HIGD2A: variants seen among roughly 807,000 people sequenced by gnomAD.
HIGD2A encodes HIG1 domain family member 2A, mitochondrial.
Under a neutral mutation model 6.3 loss-of-function variants are expected in HIGD2A, and 4 were observed. The ratio of observed to expected loss-of-function variants is 0.64; its 90% confidence interval spans 0.31 to 1.46. The LOEUF is 1.46. HIGD2A is among the 40% of genes most tolerant of loss of function. The pLI is 0.07. For missense variants in HIGD2A, 143 were observed against 144.8 expected (o/e 0.99, Z 0.06); for synonymous variants, 63 against 59.3 (o/e 1.06, Z -0.29).
Position 176,389,364 on chromosome 5 carries a change from G to A in HIGD2A, c.188G>A (p.Gly63Asp). Residue 63 changes from glycine (G) to aspartate (D), a missense_variant, in exon 2 of 2, where the codon GGC (glycine) becomes GAC (aspartate). Transcript: ENST00000274787. ...GCCACGGCGGCCGCCCTCACCTACG[G>A]CCTCTACTCCTTCCACCGGGGCAAC... ...CLATAAALTYGLYSFHRGNSQ... is the reference protein window; with the variant it reads ...CLATAAALTYDLYSFHRGNSQ... 6.2e-7 allele frequency: 1 copy of A among 1,614,046 alleles called. No individual in the cohort carries two copies. Among genetic ancestry groups the A allele is most frequent in the Non-Finnish European group, 8.5e-7 (1 of 1,179,994 alleles).
intron 1 of HIGD2A, 89 bp from the exon 2 acceptor site, chr5:176,389,242 A>T: frequency 6.9e-7 from 1 of 1,450,282 alleles, no homozygotes. Context: ...TGATCCAGAG[A>T]TCTTGGCTTT....
chr5:176,389,302 G>A (rs1195792412), intron 1 of HIGD2A, 29 bp from the exon 2 acceptor site: 2 of 1,599,190 alleles, frequency 1.3e-6, no homozygotes, highest in Non-Finnish European at 1.7e-6. Context: ...CCGACCTGCT[G>A]TTTCCCAGTT....
At position 176,389,570 on chromosome 5, in the gene HIGD2A, G is replaced by A. The variant is rs1207082078; in HGVS notation, c.*73G>A. On this transcript the variant is annotated 3_prime_UTR_variant, in exon 2 of 2. Coordinates refer to ENST00000274787, the MANE Select transcript of HIGD2A (RefSeq NM_138820.4). ...AGGGAGCAACCACTGGCCCTACCGT[G>A]GGACTTACTCCCTCCTCTCCTTTGA... is the stretch of plus-strand genomic sequence containing the variant. The A allele has an allele frequency of 6.7e-7, 1 of 1,482,936 alleles. No homozygotes were observed. The highest frequency in any genetic ancestry group is 2.3e-5 in the East Asian group (1 of 43,250). 91.9% of individuals were successfully genotyped at this position (1,482,936 alleles called of 1,614,324 possible). A position where few individuals can be genotyped will look rare whatever the true frequency, so the allele number is the denominator to read the frequency against.
rs750360319 is a variant in HIGD2A, at chr5:176,388,818, A to C, written c.-2A>C. The C allele has an allele frequency of 1.9e-6, 3 of 1,613,558 alleles. No homozygotes were observed. Among genetic ancestry groups the C allele is most frequent in the South Asian group, 1.1e-5 (1 of 91,042 alleles). ...ATTTTCTCCTGCTGCTGTGGCCCGG[A>C]CATGGCGACTCCCGGCCCTGTGATT... On this transcript the variant is annotated 5_prime_UTR_variant, in exon 1 of 2. Transcript: ENST00000274787.
At position 176,389,429 on chromosome 5, in the gene HIGD2A, G is replaced by A. The variant is rs1288852038; in HGVS notation, c.253G>A (p.Ala85Thr). 4 of 1,613,998 alleles carry A rather than the reference G, an allele frequency of 2.5e-6. No individual in the cohort carries two copies. Among genetic ancestry groups the A allele is most frequent in the African/African-American group, 2.7e-5 (2 of 74,896 alleles). ...SQLMMRTRIA[A>T]QGFTVAAILL... Reference sequence around the variant, plus strand: ...GCTCATGATGCGCACCCGGATCGCCGCCCAGGGTTTCACGGTCGCAGCCAT... The same window carrying A: ...GCTCATGATGCGCACCCGGATCGCCACCCAGGGTTTCACGGTCGCAGCCAT... The change falls in exon 2 of 2, where the codon GCC becomes ACC. Residue 85 changes from alanine (A) to threonine (T), a missense_variant. By Grantham distance (58) the Ala-to-Thr change is moderately conservative. Transcript: ENST00000274787.
Position 176,389,736 on chromosome 5 carries a change from A to G in HIGD2A, c.*239A>G, listed in dbSNP as rs1756184635. 2 of 430,720 alleles carry G rather than the reference A, an allele frequency of 4.6e-6. No individual in the cohort carries two copies. The highest frequency in any genetic ancestry group is 8.2e-6 in the Non-Finnish European group (2 of 242,640). The allele number at this position is 430,720 out of a possible 1,614,324, so 26.7% of individuals were successfully genotyped here. On this transcript the variant is annotated 3_prime_UTR_variant, in exon 2 of 2. Coordinates refer to ENST00000274787, the MANE Select transcript of HIGD2A (RefSeq NM_138820.4). ...CTCCCCTCCACTCCCCTGCTTAATA[A>G]ACTCTAAAAATCCACTTGTATTTAA...
chr5:176,389,393 C>T lies in HIGD2A; in HGVS notation c.217C>T (p.Gln73Ter), dbSNP rs1365972904. ...GLYSFHRGNS[Q>*]RSQLMMRTRI... is the part of the protein sequence containing the mutation. ...CTACTCCTTCCACCGGGGCAACAGC[C>T]AGCGCTCTCAGCTCATGATGCGCAC... is the stretch of plus-strand genomic sequence containing the variant. Residue 73 changes from glutamine to a stop codon, truncating the protein, a stop_gained, in exon 2 of 2, where the codon CAG (glutamine) becomes TAG (stop). Transcript: ENST00000274787. LOFTEE classifies it high-confidence loss of function. 1.9e-6 allele frequency: 3 copies of T among 1,614,058 alleles called. No individual in the cohort carries two copies. The highest frequency in any genetic ancestry group is 2.7e-5 in the African/African-American group (2 of 74,928).
At chr5:176,389,309 A>C in intron 1 of HIGD2A, 22 bp from the exon 2 acceptor site, 1 of 1,602,132 alleles carries the variant, frequency 6.2e-7, no homozygotes, top group Non-Finnish European at 8.5e-7. Context: ...GCTGTTTCCC[A>C]GTTGCTTTGT....
In HIGD2A at chr5:176,388,785, G is replaced by A; in HGVS notation, c.-35G>A. ...GACCTTCACCGGGAGGCTGAGGTCG[G>A]AGTCCCGATTTTCTCCTGCTGCTGT... is the stretch of plus-strand genomic sequence containing the variant. On this transcript the variant is annotated 5_prime_UTR_variant, in exon 1 of 2. Transcript: ENST00000274787. 1.2e-6 allele frequency: 2 copies of A among 1,603,312 alleles called. No individual in the cohort carries two copies. Among genetic ancestry groups the A allele is most frequent in the Non-Finnish European group, 1.7e-6 (2 of 1,175,038 alleles).
chr5:176,389,432 C>A lies in HIGD2A; in HGVS notation c.256C>A (p.Gln86Lys). Residue 86 changes from glutamine (Q) to lysine (K), a missense_variant, in exon 2 of 2, where the codon CAG (glutamine) becomes AAG (lysine). Coordinates refer to ENST00000274787, the MANE Select transcript of HIGD2A (RefSeq NM_138820.4). ...QLMMRTRIAA[Q>K]GFTVAAILLG... ...CATGATGCGCACCCGGATCGCCGCC[C>A]AGGGTTTCACGGTCGCAGCCATCTT... The A allele has an allele frequency of 6.2e-7, 1 of 1,614,212 alleles. No individual in the cohort carries two copies. Among genetic ancestry groups the A allele is most frequent in the South Asian group, 1.1e-5 (1 of 91,086 alleles).
rs201379910 is a variant in HIGD2A, at chr5:176,388,778, G to A, written c.-42G>A. On this transcript the variant is annotated 5_prime_UTR_variant, in exon 1 of 2. Coordinates refer to ENST00000274787, the MANE Select transcript of HIGD2A (RefSeq NM_138820.4). ...CTTTCATGACCTTCACCGGGAGGCT[G>A]AGGTCGGAGTCCCGATTTTCTCCTG... The A allele has an allele frequency of 6.2e-7, 1 of 1,600,156 alleles. No individual in the cohort carries two copies. Among genetic ancestry groups the A allele is most frequent in the East Asian group, 2.2e-5 (1 of 44,780 alleles).
rs1427776173 is a variant in HIGD2A, at chr5:176,389,243, T to C, written c.155-88T>C. The C allele has an allele frequency of 2.1e-6, 3 of 1,453,268 alleles. No homozygotes were observed. The East Asian group carries it at 6.8e-5, about 33-fold the overall frequency. The allele number at this position is 1,453,268 out of a possible 1,614,324, so 90.0% of individuals were successfully genotyped here. A position where few individuals can be genotyped will look rare whatever the true frequency, so the allele number is the denominator to read the frequency against. On this transcript the variant is annotated intron_variant, in intron 1 of 1. Transcript: ENST00000274787. ...CCCTCCCTCCGCTGTGATCCAGAGA[T>C]CTTGGCTTTGGGGAAGCGAGACCCA...
In HIGD2A at chr5:176,389,604, T is replaced by C; in HGVS notation, c.*107T>C. 1 of 1,220,076 alleles carries C rather than the reference T, an allele frequency of 8.2e-7. No individual in the cohort carries two copies. Among genetic ancestry groups the C allele is most frequent in the Non-Finnish European group, 1.1e-6 (1 of 879,662 alleles). 75.6% of individuals were successfully genotyped at this position (1,220,076 alleles called of 1,614,324 possible). The stretch of plus-strand genomic sequence containing the variant: ...TCCCTCCTCTCCTTTGAGAGGCCCA[T>C]GTGTCGCTGGGGAGGAAGTGACCCT... On this transcript the variant is annotated 3_prime_UTR_variant, in exon 2 of 2. Transcript: ENST00000274787.
At position 176,388,885 on chromosome 5, in the gene HIGD2A, G is replaced by A. The variant is rs768248622; in HGVS notation, c.66G>A (p.Glu22=). 6.8e-6 allele frequency: 11 copies of A among 1,614,206 alleles called. 1 individual carries two copies. Among genetic ancestry groups the A allele is most frequent in the Non-Finnish European group, 9.3e-6 (11 of 1,180,036 alleles). The change falls in exon 1 of 2, where the codon GAG becomes GAA. Residue 22 remains glutamate, a synonymous_variant. Coordinates refer to ENST00000274787, the MANE Select transcript of HIGD2A (RefSeq NM_138820.4). ...AACCATCGAAGCCTCCAGTCATTGA[G>A]GGGCTGAGCCCCACTGTTTACAGGA... ...PFEPSKPPVI[E]GLSPTVYRNP...
chr5:176,388,950 G>A lies in HIGD2A; in HGVS notation c.131G>A (p.Arg44His), dbSNP rs368403971. ...SFKEKFVRKT[R>H]ENPVVPIGCL... ...AAGGAAAAGTTCGTTCGCAAGACCC[G>A]CGAGAACCCGGTGGTACCCATAGGT... is the stretch of plus-strand genomic sequence containing the variant. The change falls in exon 1 of 2, where the codon CGC (arginine) becomes CAC (histidine). Residue 44 changes from arginine (R) to histidine (H), a missense_variant. Physicochemically the swap from Arg to His is conservative, Grantham distance 29. Coordinates refer to ENST00000274787, the MANE Select transcript of HIGD2A (RefSeq NM_138820.4). 35 of 1,614,166 alleles carry A rather than the reference G, an allele frequency of 2.2e-5. No homozygotes were observed. The African/African-American group carries it at 4.4e-4, about 20-fold the overall frequency.
intron 1 of HIGD2A, 90 bp from the exon 2 acceptor site, chr5:176,389,241 G>A: frequency 6.9e-7 from 1 of 1,453,574 alleles, no homozygotes; most frequent in Non-Finnish European, 9.4e-7. Flanking sequence ...GTGATCCAGA[G>A]ATCTTGGCTT....
intron 1 of HIGD2A, among the ~76,000 whole-genome samples, 154 bp downstream of exon 1, chr5:176,389,127 C>CG (rs1756149038): frequency 6.6e-6 from 1 of 151,370 alleles, no homozygotes; most frequent in Non-Finnish European, 1.5e-5. Context: ...CTGATTGGAG[C>CG]GGGAGCAGCG....
chr5:176,389,078 T>C, intron 1 of HIGD2A, 105 bp downstream of exon 1: 2 of 1,432,990 alleles, frequency 1.4e-6, no homozygotes, highest in Non-Finnish European at 1.9e-6. Context: ...GAGAGCGGAC[T>C]AGAGAAGAGA....
chr5:176,388,768 C>T lies in HIGD2A; in HGVS notation c.-52C>T. On this transcript the variant is annotated 5_prime_UTR_variant, in exon 1 of 2. Transcript: ENST00000274787. Reference sequence around the variant, plus strand: ...TTCCCCGCCCCTTTCATGACCTTCACCGGGAGGCTGAGGTCGGAGTCCCGA... The same window carrying T: ...TTCCCCGCCCCTTTCATGACCTTCATCGGGAGGCTGAGGTCGGAGTCCCGA... The T allele has an allele frequency of 1.9e-6, 3 of 1,593,320 alleles. No homozygotes were observed. In the South Asian group the frequency reaches 3.4e-5, roughly 18 times the overall value.
Sources: allele counts gnomAD v4.1 joint callset (sites outside exome capture counted in the v4.1 genomes callset), GRCh38; gene constraint gnomAD v4.1.1; transcripts MANE v1.5; gene names NCBI Gene and HGNC (gene_info 2026-07-23, HGNC 2026-07-21).